Variants in CRTC1 observed in about 807,000 individuals in gnomAD.
CRTC1 encodes CREB-regulated transcription coactivator 1.
CRTC1 carries 18 observed loss-of-function variants against 66.1 expected under a neutral mutation model. The ratio of observed to expected loss-of-function variants is 0.27; its 90% CI spans 0.19 to 0.40. CRTC1 has a LOEUF of 0.40. Among genes scored for constraint, CRTC1 ranks in the 10% least tolerant of loss-of-function variants. The pLI is 1.00. For synonymous variants in CRTC1, 416 were observed against 398.8 expected (o/e 1.04, Z -0.51); for missense variants, 669 against 887.9 (o/e 0.75, Z 3.13).
rs567068130 is a variant in CRTC1 at position 18,771,236 on chromosome 19, G to A, written c.1321-206G>A. 1.8e-4 allele frequency among the ~76,000 whole-genome samples: 7 copies of A among 39,900 alleles called. No homozygotes were observed. The highest frequency in any genetic ancestry group is 1.1e-3 in the South Asian group (1 of 874). The allele number at this position is 39,900 out of a possible 152,430, so 26.2% of individuals were successfully genotyped here. A position where few individuals can be genotyped will look rare whatever the true frequency, so the allele number is the denominator to read the frequency against. On this transcript the variant is annotated intron_variant, in intron 10 of 13. Coordinates refer to ENST00000321949, the MANE Select transcript of CRTC1 (RefSeq NM_015321.3). This position sits in a 1 kb window ranked among gnomAD's most constrained non-coding sequence, Gnocchi z 4.6. ...CTCCACGCCGTTCCTTCCTGGGTTC[G>A]GGGGCAGCTCCCCGGAGGCTCAGGT...
chr19:18,685,267 G>A lies in CRTC1; in HGVS notation c.126+1439G>A, dbSNP rs558668621. Among the ~76,000 whole-genome samples the A allele has an allele frequency of 1.4e-4, 22 of 152,216 alleles. No homozygotes were observed. In the South Asian group the frequency reaches 3.9e-3, roughly 27 times the overall value. On this transcript the variant is annotated intron_variant, in intron 1 of 13. Coordinates refer to ENST00000321949, the MANE Select transcript of CRTC1 (RefSeq NM_015321.3). ...CCCAGGTACTGCTTTAGGCATGCTC[G>A]GTGAGTGTGCCACATCTGTCCTCCC...
Position 18,768,921 on chromosome 19 carries a change from G to A in CRTC1, c.1320+128G>A. ...CAGAACCCCAGCGAACGCTGCCTGG[G>A]CCCACCTCTCCACGGGGCTACCCCT... On this transcript the variant is annotated intron_variant, in intron 10 of 13. Transcript: ENST00000321949. The surrounding 1 kb of genome is among the most constrained non-coding windows in gnomAD (Gnocchi z 5.6). 1 of 1,220,778 alleles carries A rather than the reference G, an allele frequency of 8.2e-7. No individual in the cohort carries two copies. The highest frequency in any genetic ancestry group is 1.1e-6 in the Non-Finnish European group (1 of 897,298). 75.6% of individuals were successfully genotyped at this position (1,220,778 alleles called of 1,614,324 possible).
At chr19:18,755,519 T>C (rs1056879479) in intron 6 of CRTC1, among the ~76,000 whole-genome samples, 4 of 148,140 alleles carry the variant, frequency 2.7e-5, no homozygotes, top group African/African-American at 1.0e-4. Flanking sequence ...AGCCTCAACC[T>C]CCCGGGCTCA....
At chr19:18,740,713 A>G (rs1199416399) in intron 1 of CRTC1, among the ~76,000 whole-genome samples, 2 of 152,170 alleles carry the variant, frequency 1.3e-5, no homozygotes, top group African/African-American at 4.8e-5. Flanking sequence ...TCCCCAAAAG[A>G]AGAGCAGAGG....
chr19:18,768,397 C>A lies in CRTC1; in HGVS notation c.1012-88C>A. The A allele has an allele frequency of 8.6e-7, 1 of 1,158,988 alleles. No homozygotes were observed. The highest frequency in any genetic ancestry group is 1.2e-6 in the Non-Finnish European group (1 of 814,612). The allele number at this position is 1,158,988 out of a possible 1,614,324, so 71.8% of individuals were successfully genotyped here. A position where few individuals can be genotyped will look rare whatever the true frequency, so the allele number is the denominator to read the frequency against. ...TGATCACAGGGCCCTTCCACCTCGC[C>A]TGCTGAGCATGCCAGGCTATGGGGG... is the stretch of plus-strand genomic sequence containing the variant. On this transcript the variant is annotated intron_variant, in intron 9 of 13. Coordinates refer to ENST00000321949, the MANE Select transcript of CRTC1 (RefSeq NM_015321.3). The surrounding 1 kb of genome is among the most constrained non-coding windows in gnomAD (Gnocchi z 5.6).
intron 1 of CRTC1, among the ~76,000 whole-genome samples, chr19:18,689,150 T>C (rs903494580): frequency 6.6e-6 from 1 of 151,920 alleles, no homozygotes; most frequent in African/African-American, 2.4e-5. Flanking sequence ...TTTTGCCATG[T>C]TGGGCAGGCT....
Position 18,768,407 on chromosome 19 carries a change from T to C in CRTC1, c.1012-78T>C, listed in dbSNP as rs554529621. The C allele has an allele frequency of 1.1e-4, 143 of 1,262,492 alleles. No homozygotes were observed. The highest frequency in any genetic ancestry group is 8.4e-4 in the South Asian group (64 of 76,592). The allele number at this position is 1,262,492 out of a possible 1,614,324, so 78.2% of individuals were successfully genotyped here. ...GCCCTTCCACCTCGCCTGCTGAGCA[T>C]GCCAGGCTATGGGGGCCCGAGGGGG... is the stretch of plus-strand genomic sequence containing the variant. On this transcript the variant is annotated intron_variant, in intron 9 of 13. Coordinates refer to ENST00000321949, the MANE Select transcript of CRTC1 (RefSeq NM_015321.3). This position sits in a 1 kb window ranked among gnomAD's most constrained non-coding sequence, Gnocchi z 5.6.
rs568526531 is a variant in CRTC1 at position 18,780,715 on chromosome 19, G to T, written c.*3333G>T. Reference sequence around the variant, plus strand: ...GTGGCTTCTATTTTATTTTTTTAGAGATGGGGTCTTGCTGTGTTGCCCAGG... The same window carrying T: ...GTGGCTTCTATTTTATTTTTTTAGATATGGGGTCTTGCTGTGTTGCCCAGG... On this transcript the variant is annotated 3_prime_UTR_variant, in exon 14 of 14. Transcript: ENST00000321949. 1.8e-5 allele frequency: 4 copies of T among 217,298 alleles called. No homozygotes were observed. In the East Asian group the frequency reaches 2.7e-4, roughly 15 times the overall value. 13.5% of individuals were successfully genotyped at this position (217,298 alleles called of 1,614,324 possible).
intron 1 of CRTC1, among the ~76,000 whole-genome samples, chr19:18,722,885 T>C (rs1419389467): frequency 1.3e-5 from 2 of 152,144 alleles, no homozygotes; most frequent in African/African-American, 4.8e-5. Context: ...ATGTCTGGCT[T>C]CTGTCACTCA....
chr19:18,777,340 C>T lies in CRTC1; in HGVS notation c.1863C>T (p.Ala621=), dbSNP rs78830644. 0.072 allele frequency: 115,643 copies of T among 1,608,206 alleles called. 4,779 individuals are homozygous for T. Among genetic ancestry groups the T allele is most frequent in the Admixed American group, 0.11 (6,785 of 60,010 alleles). The change falls in exon 14 of 14, where the codon GCC becomes GCT. Residue 621 remains alanine (A), a synonymous_variant. Transcript: ENST00000321949. This position sits in a 1 kb window ranked among gnomAD's most constrained non-coding sequence, Gnocchi z 5.5. The stretch of plus-strand genomic sequence containing the variant: ...TCAACGACCCCGACATGGTTCTGGC[C>T]GACCCAGCCACCGAGGACACCTTCC... ...HMLNDPDMVL[A]DPATEDTFRM... is the part of the protein sequence containing the mutation.
chr19:18,760,469 G>A lies in CRTC1; in HGVS notation c.886+241G>A, dbSNP rs888702324. On this transcript the variant is annotated intron_variant, in intron 8 of 13. Coordinates refer to ENST00000321949, the MANE Select transcript of CRTC1 (RefSeq NM_015321.3). The surrounding 1 kb of genome is among the most constrained non-coding windows in gnomAD (Gnocchi z 6.2). ...GACACCAGACAGTGGGTTTGAGGGTGTGTGATGGTGCTTTGGGGAGTCCAG... is the reference window on the plus strand; with the variant it reads ...GACACCAGACAGTGGGTTTGAGGGTATGTGATGGTGCTTTGGGGAGTCCAG... 6.6e-6 allele frequency among the ~76,000 whole-genome samples: 1 copy of A among 152,096 alleles called. No individual in the cohort carries two copies. Among genetic ancestry groups the A allele is most frequent in the African/African-American group, 2.4e-5 (1 of 41,406 alleles).
At position 18,736,135 on chromosome 19, in the gene CRTC1, C is replaced by G. The variant is rs117238278; in HGVS notation, c.127-6775C>G. Among the ~76,000 whole-genome samples, 862 of 152,322 alleles carry G rather than the reference C, an allele frequency of 5.7e-3. 8 individuals carry two copies. Among genetic ancestry groups the G allele is most frequent in the Non-Finnish European group, 9.5e-3 (649 of 68,022 alleles). On this transcript the variant is annotated intron_variant, in intron 1 of 13. Coordinates refer to ENST00000321949, the MANE Select transcript of CRTC1 (RefSeq NM_015321.3). Reference sequence around the variant, plus strand: ...GGACATGGGAGGATGAAGGCTCTTGCCCTGTGGGGGTGTCCTTCAAGTCGG... The same window carrying G: ...GGACATGGGAGGATGAAGGCTCTTGGCCTGTGGGGGTGTCCTTCAAGTCGG...
At chr19:18,773,053 A>G (rs563252043) in intron 11 of CRTC1, among the ~76,000 whole-genome samples, 1 of 152,308 alleles carries the variant, frequency 6.6e-6, no homozygotes, top group South Asian at 2.1e-4. Context: ...GCCCCAAGCC[A>G]AAGCGGGTTA....
chr19:18,719,704 G>A (rs1035271355), intron 1 of CRTC1, among the ~76,000 whole-genome samples: 1 of 152,160 alleles, frequency 6.6e-6, no homozygotes, highest in Admixed American at 6.5e-5. Context: ...GTTCCGCCTC[G>A]ACCGGAGGTG....
intron 1 of CRTC1, among the ~76,000 whole-genome samples, chr19:18,730,076 CA>C (rs2053850854): frequency 6.6e-6 from 1 of 152,168 alleles, no homozygotes; most frequent in South Asian, 2.1e-4. Context: ...GGGTGCCAGC[CA>C]TCCTGTGCTT....
At chr19:18,716,297 G>A (rs1487714168) in intron 1 of CRTC1, among the ~76,000 whole-genome samples, 1 of 151,668 alleles carries the variant, frequency 6.6e-6, no homozygotes, top group Non-Finnish European at 1.5e-5. Context: ...CTGTCACCCA[G>A]GCTGGAGTGC....
intron 1 of CRTC1, among the ~76,000 whole-genome samples, chr19:18,686,544 G>A (rs1251175541): frequency 6.6e-6 from 1 of 152,198 alleles, no homozygotes; most frequent in Admixed American, 6.5e-5. Context: ...CTACTCGGGA[G>A]GCTTAGACAG....
chr19:18,759,482 C>T, intron 6 of CRTC1, 69 bp from the exon 7 acceptor site: 3 of 1,511,026 alleles, frequency 2.0e-6, no homozygotes, highest in Admixed American at 1.8e-5. Flanking sequence ...TTCAAGGAGG[C>T]CCAGTGCCCA....
intron 1 of CRTC1, among the ~76,000 whole-genome samples, chr19:18,737,626 A>G (rs753280914): frequency 2.0e-4 from 30 of 152,034 alleles, no homozygotes; most frequent in Admixed American, 1.6e-3. Context: ...GTGACCTTAC[A>G]GTTGACTCTT....
Sources: gnomAD v4.1 joint callset for allele counts (sites outside exome capture counted in the v4.1 genomes callset) on GRCh38, gnomAD v4.1.1 for gene constraint, Gnocchi (gnomAD v3.1) non-coding constraint, MANE v1.5 for transcripts, NCBI Gene and HGNC (gene_info 2026-07-23, HGNC 2026-07-21) for gene names.